The following GNG12 variants were observed in gnomAD, a reference collection of about 807,000 sequenced individuals.
The protein encoded by GNG12 is guanine nucleotide-binding protein G(I)/G(S)/G(O) subunit gamma-12.
For synonymous variants in GNG12, 28 were observed against 29.7 expected, an observed-to-expected ratio of 0.94 and a Z score of 0.19; for missense variants, 69 against 83.8, an observed-to-expected ratio of 0.82 and a Z score of 0.69.
intron 2 of GNG12, among the ~76,000 whole-genome samples, chr1:67,767,699 C>A (rs190943003): frequency 1.3e-5 from 2 of 152,308 alleles, no homozygotes; most frequent in Admixed American, 6.5e-5. Flanking sequence ...ACACAATTTT[C>A]TCCTTATCTG....
chr1:67,809,455 C>T (rs540336662), intron 1 of GNG12, among the ~76,000 whole-genome samples: 83 of 152,218 alleles, frequency 5.5e-4, no homozygotes, highest in African/African-American at 2.0e-3. Flanking sequence ...AAAATGAAAA[C>T]CTTCTTCTCT....
Position 67,728,928 on chromosome 1 carries a change from A to G in GNG12, c.-26-21216T>C, listed in dbSNP as rs559814535. ...CACTGTTGGTAGTTCAAAGAGAAATACACAGAAAACCTGGAACATAAGTGA... is the reference window on the plus strand; with the variant it reads ...CACTGTTGGTAGTTCAAAGAGAAATGCACAGAAAACCTGGAACATAAGTGA... On this transcript the variant is annotated intron_variant, in intron 2 of 3. Coordinates refer to ENST00000370982, the MANE Select transcript of GNG12 (RefSeq NM_018841.6). Among the ~76,000 whole-genome samples, 15 of 152,358 alleles carry G rather than the reference A, an allele frequency of 9.8e-5. No homozygotes were observed. In the South Asian group the frequency reaches 2.7e-3, roughly 27 times the overall value.
chr1:67,826,711 T>C (rs1021502826), intron 1 of GNG12, among the ~76,000 whole-genome samples: 4 of 152,236 alleles, frequency 2.6e-5, no homozygotes, highest in African/African-American at 9.6e-5. Flanking sequence ...TAAGCCTCAA[T>C]AAAGTCCAAG....
chr1:67,769,694 G>C (rs1030387823), intron 2 of GNG12, among the ~76,000 whole-genome samples: 1 of 152,138 alleles, frequency 6.6e-6, no homozygotes, highest in Non-Finnish European at 1.5e-5. Flanking sequence ...TTCCCTGTGG[G>C]CTTAGATAAC....
At chr1:67,725,470 C>A (rs1646380122) in intron 2 of GNG12, among the ~76,000 whole-genome samples, 1 of 152,154 alleles carries the variant, frequency 6.6e-6, no homozygotes. Flanking sequence ...TGTTGGCCCT[C>A]ATGGTTAAAG....
Position 67,770,839 on chromosome 1 carries a change from C to T in GNG12, c.-27+6619G>A, listed in dbSNP as rs532724256. The stretch of plus-strand genomic sequence containing the variant: ...AACCTGGAGAGACCTGAGCAGTGGG[C>T]AGCTGGAGGCCACTGGAGGGGGAAG... On this transcript the variant is annotated intron_variant, in intron 2 of 3. Coordinates refer to ENST00000370982, the MANE Select transcript of GNG12 (RefSeq NM_018841.6). 1.0e-3 allele frequency among the ~76,000 whole-genome samples: 152 copies of T among 152,328 alleles called. 1 individual carries two copies. Among genetic ancestry groups the T allele is most frequent in the African/African-American group, 3.4e-3 (141 of 41,572 alleles).
At chr1:67,827,610 AGAGACGGGG>A (rs2100830282) in intron 1 of GNG12, among the ~76,000 whole-genome samples, 1 of 152,182 alleles carries the variant, frequency 6.6e-6, no homozygotes, top group African/African-American at 2.4e-5. Flanking sequence ...TATTTTTAGT[AGAGACGGGG>A]TTTCATCATG....
chr1:67,827,474 T>C (rs1226123693), intron 1 of GNG12, among the ~76,000 whole-genome samples: 2 of 151,846 alleles, frequency 1.3e-5, no homozygotes, highest in Non-Finnish European at 2.9e-5. Flanking sequence ...TGCCCAGGCT[T>C]GAGTACAGTG....
chr1:67,785,922 C>G (rs1646765143), intron 1 of GNG12, among the ~76,000 whole-genome samples: 1 of 152,132 alleles, frequency 6.6e-6, no homozygotes, highest in Admixed American at 6.6e-5. Flanking sequence ...CAAAAATTCT[C>G]TGTGTACACA....
intron 2 of GNG12, among the ~76,000 whole-genome samples, chr1:67,767,979 G>A (rs566307111): frequency 1.1e-4 from 17 of 152,318 alleles, no homozygotes; most frequent in African/African-American, 3.8e-4. Flanking sequence ...CTCTTGCTAC[G>A]TTGCGGAGGC....
intron 2 of GNG12, among the ~76,000 whole-genome samples, chr1:67,752,652 C>T (rs747405666): frequency 6.6e-6 from 1 of 152,150 alleles, no homozygotes; most frequent in Non-Finnish European, 1.5e-5. Context: ...TTCAACACCT[C>T]GCCCCAATCA....
In GNG12 at chr1:67,780,205, A is replaced by G. The variant is rs180702445; in HGVS notation, c.-76-2698T>C. ...CTTTAATCCCCTTGGTAATCCTATG[A>G]GGAAGGTTCTTTTCATTATTCCATT... On this transcript the variant is annotated intron_variant, in intron 1 of 3. Transcript: ENST00000370982. Among the ~76,000 whole-genome samples the G allele has an allele frequency of 1.2e-3, 178 of 152,266 alleles. 2 individuals carry two copies. The highest frequency in any genetic ancestry group is 4.1e-3 in the African/African-American group (172 of 41,566).
intron 2 of GNG12, among the ~76,000 whole-genome samples, chr1:67,719,984 G>T (rs531249778): frequency 1.7e-4 from 26 of 152,368 alleles, no homozygotes; most frequent in African/African-American, 5.3e-4. Flanking sequence ...CACCCTGGGT[G>T]TTTGCGTGCC....
At chr1:67,775,630 A>G (rs1334854184) in intron 2 of GNG12, among the ~76,000 whole-genome samples, 1 of 152,222 alleles carries the variant, frequency 6.6e-6, no homozygotes, top group African/African-American at 2.4e-5. Context: ...GCTAAGTACT[A>G]CAAGGCAGGC....
chr1:67,721,288 C>T (rs1045015778), intron 2 of GNG12, among the ~76,000 whole-genome samples: 3 of 152,126 alleles, frequency 2.0e-5, no homozygotes, highest in Non-Finnish European at 4.4e-5. Flanking sequence ...AGGAAGGAGC[C>T]CCAGAGTGGA....
intron 2 of GNG12, among the ~76,000 whole-genome samples, chr1:67,770,521 T>C (rs565915624): frequency 1.7e-4 from 26 of 151,906 alleles, no homozygotes; most frequent in Admixed American, 1.1e-3. Flanking sequence ...CTGGGTGTCT[T>C]TGCAACAGGT....
chr1:67,822,733 CT>C (rs113078404), intron 1 of GNG12, among the ~76,000 whole-genome samples: 137 of 150,380 alleles, frequency 9.1e-4, no homozygotes, highest in Non-Finnish European at 1.4e-3. Flanking sequence ...TGTTTTTTTG[CT>C]TTTTTTTTGT....
At chr1:67,767,192 C>T (rs1353622766) in intron 2 of GNG12, among the ~76,000 whole-genome samples, 1 of 152,108 alleles carries the variant, frequency 6.6e-6, no homozygotes, top group Non-Finnish European at 1.5e-5. Context: ...GTTATCTTGT[C>T]CAGCCTGCCA....
chr1:67,767,716 A>G (rs757099717), intron 2 of GNG12, among the ~76,000 whole-genome samples: 4 of 152,252 alleles, frequency 2.6e-5, no homozygotes, highest in Non-Finnish European at 5.9e-5. Context: ...TCTGATGGCA[A>G]TATCACTTAC....
Sources: allele counts gnomAD v4.1 joint callset (sites outside exome capture counted in the v4.1 genomes callset), GRCh38; gene constraint gnomAD v4.1.1; transcripts MANE v1.5; gene names NCBI Gene and HGNC (gene_info 2026-07-23, HGNC 2026-07-21).